HS6ST3: variants seen among roughly 807,000 people sequenced by gnomAD.
The protein encoded by HS6ST3 is heparan sulfate 6-O-sulfotransferase 3, also known as heparan-sulfate 6-O-sulfotransferase 3.
Under a neutral mutation model 36.7 loss-of-function variants are expected in HS6ST3, and 12 were observed. That is an observed-to-expected ratio of 0.33 (90% confidence interval 0.21 to 0.53). The LOEUF (loss-of-function observed/expected upper bound fraction) is 0.53, where lower values mean the gene tolerates loss of function less well. Ranked by LOEUF, HS6ST3 falls within the 20% of genes least tolerant of loss-of-function variation. HS6ST3 has a pLI of 0.95. For missense variants in HS6ST3, 584 were observed against 640.9 expected (o/e 0.91, Z 0.96); for synonymous variants, 240 against 257.5 (o/e 0.93, Z 0.65).
At chr13:96,676,918 T>A (rs1402667916) in intron 1 of HS6ST3, among the ~76,000 whole-genome samples, 1 of 152,122 alleles carries the variant, frequency 6.6e-6, no homozygotes, top group Non-Finnish European at 1.5e-5. Flanking sequence ...GTTTGGAGCT[T>A]AGTTGGAAAA....
intron 1 of HS6ST3, among the ~76,000 whole-genome samples, chr13:96,677,827 AT>A (rs1284996179): frequency 6.6e-6 from 1 of 152,196 alleles, no homozygotes; most frequent in Non-Finnish European, 1.5e-5. Flanking sequence ...ATTTAAGCGA[AT>A]ATTGTACTTG....
At chr13:96,226,495 C>T (rs1017491095) in intron 1 of HS6ST3, among the ~76,000 whole-genome samples, 11 of 151,846 alleles carry the variant, frequency 7.2e-5, no homozygotes, top group African/African-American at 2.4e-4. Context: ...ACTCCAGCCC[C>T]GGCAACAAGA....
intron 1 of HS6ST3, among the ~76,000 whole-genome samples, chr13:96,423,816 G>A (rs1160636110): frequency 6.6e-6 from 1 of 152,084 alleles, no homozygotes. Flanking sequence ...TAGACTAGAA[G>A]GGGTGATGAA....
intron 1 of HS6ST3, among the ~76,000 whole-genome samples, chr13:96,509,617 A>G (rs1197401251): frequency 6.6e-6 from 1 of 152,058 alleles, no homozygotes; most frequent in African/African-American, 2.4e-5. Context: ...GCCCCAATTT[A>G]TGTTTTTGTA....
chr13:96,634,432 A>G (rs114143822), intron 1 of HS6ST3, among the ~76,000 whole-genome samples: 272 of 152,280 alleles, frequency 1.8e-3, no homozygotes, highest in African/African-American at 6.4e-3. Context: ...TTTGAAACTC[A>G]ACCTTTGTCC....
rs1385352151 is a variant in HS6ST3 at position 96,642,508 on chromosome 13, G to A, written c.708-189982G>A. Among the ~76,000 whole-genome samples, 3 of 151,478 alleles carry A rather than the reference G, an allele frequency of 2.0e-5. No homozygotes were observed. In the East Asian group the frequency reaches 5.8e-4, roughly 29 times the overall value. ...TTGCTGCCCTTTCCTCCTTTATTTT[G>A]GGACTCCCAGTATGTACACATTGGT... On this transcript the variant is annotated intron_variant, in intron 1 of 1. Coordinates refer to ENST00000376705, the MANE Select transcript of HS6ST3 (RefSeq NM_153456.4).
chr13:96,335,947 A>G (rs961621351), intron 1 of HS6ST3, among the ~76,000 whole-genome samples: 5 of 152,160 alleles, frequency 3.3e-5, no homozygotes, highest in Non-Finnish European at 5.9e-5. Flanking sequence ...TAAGTGTTTG[A>G]CATTTTTAAA....
intron 1 of HS6ST3, among the ~76,000 whole-genome samples, chr13:96,554,410 A>G (rs2056231699): frequency 6.6e-6 from 1 of 152,238 alleles, no homozygotes; most frequent in South Asian, 2.1e-4. Flanking sequence ...AATCAAGTGC[A>G]TACATCTGTT....
At chr13:96,429,244 A>G (rs1233165517) in intron 1 of HS6ST3, among the ~76,000 whole-genome samples, 4 of 152,242 alleles carry the variant, frequency 2.6e-5, no homozygotes, top group African/African-American at 9.6e-5. Flanking sequence ...GGCTCAGATT[A>G]GAATAGAATA....
intron 1 of HS6ST3, among the ~76,000 whole-genome samples, chr13:96,679,930 G>A (rs2056712419): frequency 6.6e-6 from 1 of 152,098 alleles, no homozygotes; most frequent in Non-Finnish European, 1.5e-5. Context: ...TAAGAAATGG[G>A]GATACCAAGA....
intron 1 of HS6ST3, among the ~76,000 whole-genome samples, chr13:96,707,758 C>T (rs546312405): frequency 6.6e-6 from 1 of 152,300 alleles, no homozygotes; most frequent in Non-Finnish European, 1.5e-5. Context: ...TCCTAGTTCT[C>T]ATGTACATGT....
intron 1 of HS6ST3, among the ~76,000 whole-genome samples, chr13:96,786,640 G>C (rs1877660231): frequency 6.6e-6 from 1 of 152,120 alleles, no homozygotes; most frequent in African/African-American, 2.4e-5. Context: ...AAACGCATTT[G>C]CTTGAATAAA....
chr13:96,507,844 TTTAAGA>T (rs2056032675), intron 1 of HS6ST3, among the ~76,000 whole-genome samples: 2 of 152,082 alleles, frequency 1.3e-5, no homozygotes, highest in African/African-American at 4.8e-5. Context: ...TACACATCAT[TTTAAGA>T]TTAACTATTC....
At chr13:96,369,882 T>C (rs1046584713) in intron 1 of HS6ST3, among the ~76,000 whole-genome samples, 1 of 150,132 alleles carries the variant, frequency 6.7e-6, no homozygotes, top group African/African-American at 2.4e-5. Context: ...CTATGTTCTT[T>C]CTACCATTTT....
chr13:96,716,392 AAC>A (rs1265653843), intron 1 of HS6ST3, among the ~76,000 whole-genome samples: 1 of 152,172 alleles, frequency 6.6e-6, no homozygotes, highest in Admixed American at 6.5e-5. Context: ...CTTTATATTA[AAC>A]AGTTATTTCT....
chr13:96,493,113 T>C (rs1373343649), intron 1 of HS6ST3, among the ~76,000 whole-genome samples: 1 of 152,196 alleles, frequency 6.6e-6, no homozygotes. Context: ...TAGTCCTTTT[T>C]CAGAACCAGA....
intron 1 of HS6ST3, among the ~76,000 whole-genome samples, chr13:96,544,856 C>T (rs991638358): frequency 1.3e-5 from 2 of 152,134 alleles, no homozygotes; most frequent in African/African-American, 4.8e-5. Flanking sequence ...TGGAGAAAAT[C>T]TGGCTCATTA....
At chr13:96,601,091 T>G (rs1286769563) in intron 1 of HS6ST3, among the ~76,000 whole-genome samples, 1 of 152,168 alleles carries the variant, frequency 6.6e-6, no homozygotes, top group East Asian at 1.9e-4. Context: ...TCATTACTCT[T>G]AGAATTCTTT....
At chr13:96,428,592 C>T (rs1022259606) in intron 1 of HS6ST3, among the ~76,000 whole-genome samples, 5 of 152,110 alleles carry the variant, frequency 3.3e-5, no homozygotes, top group African/African-American at 1.2e-4. Context: ...GATTAGGGCC[C>T]ACCCCAATGA....
Sources: allele counts gnomAD v4.1 joint callset (sites outside exome capture counted in the v4.1 genomes callset), GRCh38; gene constraint gnomAD v4.1.1; transcripts MANE v1.5; gene names NCBI Gene and HGNC (gene_info 2026-07-23, HGNC 2026-07-21).